WDR72: variants seen among roughly 807,000 people sequenced by gnomAD.
WDR72 encodes WD repeat-containing protein 72.
In WDR72, 120 loss-of-function variants were observed where a neutral mutation model predicts 124.2. That is an observed-to-expected ratio of 0.97 (90% CI 0.83 to 1.12). WDR72 has a LOEUF of 1.12. Among genes scored for constraint, WDR72 ranks in the 50% most tolerant of loss-of-function variants. The pLI is 0.00. For synonymous variants in WDR72, 452 were observed against 441.7 expected (o/e 1.02, Z -0.29); for missense variants, 1,387 against 1,278.8 (o/e 1.08, Z -1.29).
intron 18 of WDR72, among the ~76,000 whole-genome samples, chr15:53,577,132 G>A (rs538708828): frequency 8.1e-4 from 124 of 152,224 alleles, no homozygotes; most frequent in African/African-American, 2.8e-3. Flanking sequence ...CTACCTGTTC[G>A]TATGAAAGAA....
Position 53,616,197 on chromosome 15 carries a change from A to C in WDR72, c.2009T>G (p.Val670Gly). 1 of 1,605,036 alleles carries C rather than the reference A, an allele frequency of 6.2e-7. No individual in the cohort carries two copies. Among genetic ancestry groups the C allele is most frequent in the Non-Finnish European group, 8.5e-7 (1 of 1,178,856 alleles). ...FCPRPFNVLP[V>G]KTKWSNVGFH... ...GCCAACGTTACTCCATTTTGTCTTC[A>C]CAGGCAAGACATTAAAAGGTCTTGG... Residue 670 changes from valine (V) to glycine (G), a missense_variant, in exon 15 of 20, where the codon GTG becomes GGG. Transcript: ENST00000360509.
chr15:53,702,656 T>G (rs1278616892), intron 11 of WDR72, among the ~76,000 whole-genome samples: 1 of 152,072 alleles, frequency 6.6e-6, no homozygotes, highest in Non-Finnish European at 1.5e-5. Context: ...GCAGATCGCT[T>G]GAGGTCAGGG....
At chr15:53,613,829 A>G (rs574954297) in intron 15 of WDR72, 72 bp from the exon 16 acceptor site, 98 of 1,038,030 alleles carry the variant, frequency 9.4e-5, no homozygotes, top group Non-Finnish European at 1.3e-4. Flanking sequence ...AATCAAAGAT[A>G]TGGGTACATG....
chr15:53,694,191 G>A (rs2016931554), intron 13 of WDR72, among the ~76,000 whole-genome samples: 1 of 152,212 alleles, frequency 6.6e-6, no homozygotes, highest in Non-Finnish European at 1.5e-5. Flanking sequence ...GATGTGGACT[G>A]GCAGCTTTCC....
intron 7 of WDR72, among the ~76,000 whole-genome samples, chr15:53,711,864 T>G (rs1418213014): frequency 2.0e-5 from 3 of 152,204 alleles, no homozygotes; most frequent in Non-Finnish European, 2.9e-5. Flanking sequence ...TAAATCTTTG[T>G]TCAAAAATAC....
At chr15:53,625,963 T>A (rs1419507068) in intron 14 of WDR72, among the ~76,000 whole-genome samples, 1 of 152,214 alleles carries the variant, frequency 6.6e-6, no homozygotes, top group Non-Finnish European at 1.5e-5. Context: ...CTGGTTTTAC[T>A]CCTGGCTTTT....
intron 18 of WDR72, among the ~76,000 whole-genome samples, chr15:53,533,167 C>CA (rs1363089050): frequency 6.6e-6 from 1 of 151,994 alleles, no homozygotes; most frequent in East Asian, 1.9e-4. Context: ...GTTGCCCATG[C>CA]AGAAGACAAT....
intron 14 of WDR72, among the ~76,000 whole-genome samples, chr15:53,629,232 C>A (rs1167790110): frequency 6.7e-6 from 1 of 149,518 alleles, no homozygotes; most frequent in Non-Finnish European, 1.5e-5. Context: ...GAGAGAGAGA[C>A]ATAAAATACA....
chr15:53,635,586 G>A (rs2014592088), intron 14 of WDR72, among the ~76,000 whole-genome samples: 1 of 152,080 alleles, frequency 6.6e-6, no homozygotes, highest in Non-Finnish European at 1.5e-5. Flanking sequence ...AATTAAAGCT[G>A]CAACAGAAAA....
intron 18 of WDR72, among the ~76,000 whole-genome samples, chr15:53,564,408 G>C (rs547929186): frequency 6.6e-6 from 1 of 151,756 alleles, no homozygotes; most frequent in Non-Finnish European, 1.5e-5. Flanking sequence ...TCATATCCTA[G>C]GACAGCATCT....
chr15:53,517,589 A>G lies in WDR72; in HGVS notation c.*110T>C. 8.7e-7 allele frequency: 1 copy of G among 1,146,694 alleles called. No individual in the cohort carries two copies. Among genetic ancestry groups the G allele is most frequent in the South Asian group, 1.2e-5 (1 of 80,510 alleles). 71.0% of individuals were successfully genotyped at this position (1,146,694 alleles called of 1,614,324 possible). A position where few individuals can be genotyped will look rare whatever the true frequency, so the allele number is the denominator to read the frequency against. ...GCTAAAGTATTAGCAAATCCACTAC[A>G]GCCTAATAACTTGACCAATAACAAC... On this transcript the variant is annotated 3_prime_UTR_variant, in exon 20 of 20. Coordinates refer to ENST00000360509, the MANE Select transcript of WDR72 (RefSeq NM_182758.4).
At chr15:53,671,451 C>A (rs958709886) in intron 13 of WDR72, among the ~76,000 whole-genome samples, 4 of 152,156 alleles carry the variant, frequency 2.6e-5, no homozygotes, top group Admixed American at 2.0e-4. Context: ...GCTTCCCCAA[C>A]AGATACTAAA....
At position 53,523,220 on chromosome 15, in the gene WDR72, G is replaced by T; in HGVS notation, c.3251C>A (p.Pro1084Gln). ...GACTATTTTTAAATGGCTTTCACCT[G>T]GACTCTCAGACTCTTCCAAGGCACA... ...DRCALEESES[P>Q]GEPRHHSWIA... The change falls in exon 19 of 20, where the codon CCA becomes CAA. Residue 1084 changes from proline to glutamine, a missense_variant and splice_region_variant. Coordinates refer to ENST00000360509, the MANE Select transcript of WDR72 (RefSeq NM_182758.4). 6.2e-7 allele frequency: 1 copy of T among 1,612,570 alleles called. No individual in the cohort carries two copies. The highest frequency in any genetic ancestry group is 2.2e-5 in the East Asian group (1 of 44,822).
chr15:53,757,931 C>G (rs1416310980), intron 1 of WDR72, among the ~76,000 whole-genome samples: 6 of 151,618 alleles, frequency 4.0e-5, no homozygotes, highest in Non-Finnish European at 8.8e-5. Context: ...GGGTAGAGAC[C>G]GTTAATGGAA....
intron 1 of WDR72, among the ~76,000 whole-genome samples, chr15:53,755,813 A>G (rs1374034586): frequency 6.6e-6 from 1 of 152,242 alleles, no homozygotes; most frequent in Non-Finnish European, 1.5e-5. Flanking sequence ...AGTTTCTCCA[A>G]GGAAGTCCAA....
chr15:53,545,610 T>C (rs945510992), intron 18 of WDR72, among the ~76,000 whole-genome samples: 1 of 151,496 alleles, frequency 6.6e-6, no homozygotes, highest in East Asian at 1.9e-4. Flanking sequence ...TGGGGAAGGA[T>C]TTCATGTCCA....
At chr15:53,734,700 T>C (rs898846780) in intron 1 of WDR72, among the ~76,000 whole-genome samples, 1 of 151,912 alleles carries the variant, frequency 6.6e-6, no homozygotes, top group African/African-American at 2.4e-5. Context: ...AGAAGTGGCC[T>C]TGCTCAATGA....
chr15:53,605,536 C>G (rs2013243173), intron 17 of WDR72, among the ~76,000 whole-genome samples: 3 of 152,170 alleles, frequency 2.0e-5, no homozygotes. Context: ...ATTCAACTAA[C>G]TGCTTAAATG....
intron 14 of WDR72, among the ~76,000 whole-genome samples, chr15:53,662,730 C>T (rs1778435587): frequency 6.6e-6 from 1 of 152,046 alleles, no homozygotes; most frequent in African/African-American, 2.4e-5. Flanking sequence ...GCACCCATAA[C>T]ATTTCACACT....
Sources: gnomAD v4.1 joint callset for allele counts (sites outside exome capture counted in the v4.1 genomes callset) on GRCh38, gnomAD v4.1.1 for gene constraint, MANE v1.5 for transcripts, NCBI Gene and HGNC (gene_info 2026-07-23, HGNC 2026-07-21) for gene names.